Variants in LMBR1L observed in about 807,000 individuals in gnomAD.
LMBR1L encodes limb development membrane protein 1 like.
In LMBR1L, 47 loss-of-function variants were observed where a neutral mutation model predicts 67.3. The ratio of observed to expected loss-of-function variants is 0.70; its 90% CI spans 0.55 to 0.89. LMBR1L has a LOEUF of 0.89. Ranked by LOEUF, LMBR1L falls within the 40% of genes least tolerant of loss-of-function variation. The probability of loss-of-function intolerance (pLI) is 0.00; values close to 1 mark genes in which losing one functional copy is unlikely to be tolerated. For synonymous variants in LMBR1L, 247 were observed against 250.3 expected (o/e 0.99, Z 0.13); for missense variants, 533 against 599.2 (o/e 0.89, Z 1.15).
rs532896074 is a variant in LMBR1L, at chr12:49,100,211, T to C, written c.1240+177A>G. Among the ~76,000 whole-genome samples the C allele has an allele frequency of 3.4e-4, 52 of 152,378 alleles. No homozygotes were observed. In the South Asian group the frequency reaches 9.9e-3, roughly 29 times the overall value. Reference sequence around the variant, plus strand: ...ATGTAAAAAGTATGTACTTTGACCCTGAAGCTCAGTGTAGGCACTTTACAG... The same window carrying C: ...ATGTAAAAAGTATGTACTTTGACCCCGAAGCTCAGTGTAGGCACTTTACAG... On this transcript the variant is annotated intron_variant, in intron 15 of 16. Coordinates refer to ENST00000267102, the MANE Select transcript of LMBR1L (RefSeq NM_018113.4).
intron 1 of LMBR1L, 171 bp downstream of exon 1, chr12:49,110,313 C>A (rs994339005): frequency 3.0e-6 from 2 of 665,988 alleles, no homozygotes; most frequent in Non-Finnish European, 5.4e-6. Context: ...CAGCTGATCC[C>A]ATCTAGGGGA....
chr12:49,100,899 T>C, intron 13 of LMBR1L: 1 of 548,782 alleles, frequency 1.8e-6, no homozygotes, highest in Non-Finnish European at 3.2e-6. Flanking sequence ...GGCTAATTTT[T>C]TGTACTTTTT....
At position 49,103,110 on chromosome 12, in the gene LMBR1L, A is replaced by G. The variant is rs1314127970; in HGVS notation, c.612T>C (p.Leu204=). 3 of 1,613,946 alleles carry G rather than the reference A, an allele frequency of 1.9e-6. No homozygotes were observed. In the African/African-American group the frequency reaches 4.0e-5, roughly 22 times the overall value. ...ACTCACCCAGGAGCAGCAGAACCCC[A>G]AGGAAGGAGATGCATGAGTAGAGGT... is the stretch of plus-strand genomic sequence containing the variant. ...LPYLYSCISF[L]GVLLLLVCTP... is the part of the protein sequence containing the mutation. Residue 204 remains leucine (L), a synonymous_variant, in exon 7 of 17, where the codon CTT becomes CTC. Transcript: ENST00000267102.
At chr12:49,105,483 A>G (rs951417383) in intron 3 of LMBR1L, among the ~76,000 whole-genome samples, 2 of 152,108 alleles carry the variant, frequency 1.3e-5, no homozygotes, top group African/African-American at 2.4e-5. Context: ...TCATATCTCT[A>G]TCTTTTTCTG....
intron 1 of LMBR1L, chr12:49,110,278 G>C (rs1029099765): frequency 1.8e-5 from 11 of 602,514 alleles, no homozygotes; most frequent in African/African-American, 1.7e-4. Context: ...CGGAAACGAC[G>C]GCCTTTGTTT....
At chr12:49,110,311 C>G (rs1203473366) in intron 1 of LMBR1L, 173 bp downstream of exon 1, 3 of 646,218 alleles carry the variant, frequency 4.6e-6, no homozygotes, top group South Asian at 3.5e-5. Flanking sequence ...CCCAGCTGAT[C>G]CCATCTAGGG....
At chr12:49,108,510 C>T (rs141916280) in intron 1 of LMBR1L, among the ~76,000 whole-genome samples, 54 of 139,492 alleles carry the variant, frequency 3.9e-4, no homozygotes, top group African/African-American at 1.4e-3. Context: ...TGTAGTGAGC[C>T]GAGATTGTGC....
chr12:49,110,508 G>A lies in LMBR1L; in HGVS notation c.48C>T (p.Phe16=). The change falls in exon 1 of 17, where the codon TTC becomes TTT. Residue 16 remains phenylalanine, a synonymous_variant. Coordinates refer to ENST00000267102, the MANE Select transcript of LMBR1L (RefSeq NM_018113.4). ...CAATACACTCGCGGATCCTCTCGTG[G>A]AATAGCTGTTCTCGCACGGATAGCA... ...YEVLSVREQL[F]HERIRECIIS... The A allele has an allele frequency of 6.2e-7, 1 of 1,614,082 alleles. No individual in the cohort carries two copies. The highest frequency in any genetic ancestry group is 1.3e-5 in the African/African-American group (1 of 75,060).
chr12:49,101,722 A>G (rs1010591855), intron 11 of LMBR1L, 173 bp from the exon 12 acceptor site: 1 of 599,810 alleles, frequency 1.7e-6, no homozygotes, highest in Admixed American at 3.0e-5. Context: ...GCCTTTGAGG[A>G]TATTATAAGA....
Position 49,110,511 on chromosome 12 carries a change from T to C in LMBR1L, c.45A>G (p.Leu15=), listed in dbSNP as rs1446459484. Reference sequence around the variant, plus strand: ...TACACTCGCGGATCCTCTCGTGGAATAGCTGTTCTCGCACGGATAGCACTT... The same window carrying C: ...TACACTCGCGGATCCTCTCGTGGAACAGCTGTTCTCGCACGGATAGCACTT... The part of the protein sequence containing the change: ...DYEVLSVREQ[L]FHERIRECII... Residue 15 remains leucine (L), a synonymous_variant, in exon 1 of 17, where the codon CTA becomes CTG. Transcript: ENST00000267102. 5 of 1,613,970 alleles carry C rather than the reference T, an allele frequency of 3.1e-6. No homozygotes were observed. Among genetic ancestry groups the C allele is most frequent in the Non-Finnish European group, 4.2e-6 (5 of 1,179,980 alleles).
At chr12:49,105,123 G>T (rs1449091058) in intron 3 of LMBR1L, 5 of 512,978 alleles carry the variant, frequency 9.7e-6, no homozygotes, top group Non-Finnish European at 1.8e-5. Context: ...ATGGGAACCT[G>T]GTCACCTGCC....
intron 8 of LMBR1L, 49 bp downstream of exon 8, chr12:49,102,838 C>G: frequency 6.5e-7 from 1 of 1,544,768 alleles, no homozygotes; most frequent in Non-Finnish European, 8.9e-7. Context: ...GGTTCCAGCT[C>G]TGCAGGAAGC....
At position 49,106,942 on chromosome 12, in the gene LMBR1L, G is replaced by C. The variant is rs1940985638; in HGVS notation, c.157+19C>G. On this transcript the variant is annotated intron_variant, in intron 2 of 16. Transcript: ENST00000267102. ...CATGGCAACAGGGACTCTAGCAGGA[G>C]GGAGGGAAATCAAAGTACCTGTGGT... 3.8e-6 allele frequency: 6 copies of C among 1,574,118 alleles called. No individual in the cohort carries two copies. Among genetic ancestry groups the C allele is most frequent in the African/African-American group, 1.4e-5 (1 of 74,048 alleles).
At chr12:49,097,858 CCT>C in intron 16 of LMBR1L, 84 bp downstream of exon 16, 4 of 1,589,340 alleles carry the variant, frequency 2.5e-6, no homozygotes, top group Non-Finnish European at 3.4e-6. Flanking sequence ...GGAAGCACAC[CCT>C]CTCCCCTGCT....
rs1489127832 is a variant in LMBR1L, at chr12:49,101,552, G to A, written c.931-3C>T. ...GCCACAATGAGCACAGACAGGCCCTGTGTGAGGCAAGGTCAGACTCCCATT... is the reference window on the plus strand; with the variant it reads ...GCCACAATGAGCACAGACAGGCCCTATGTGAGGCAAGGTCAGACTCCCATT... On this transcript the variant is annotated splice_polypyrimidine_tract_variant and splice_region_variant and intron_variant, in intron 11 of 16. Transcript: ENST00000267102. 1.9e-6 allele frequency: 3 copies of A among 1,610,542 alleles called. No individual in the cohort carries two copies. The highest frequency in any genetic ancestry group is 4.5e-5 in the East Asian group (2 of 44,768).
intron 2 of LMBR1L, chr12:49,106,462 C>A (rs1362543080): frequency 8.3e-6 from 6 of 725,938 alleles, no homozygotes; most frequent in Non-Finnish European, 1.3e-5. Flanking sequence ...TGTGCCCCCA[C>A]CCCCAATTAC....
Position 49,100,380 on chromosome 12 carries a change from A to G in LMBR1L, c.1240+8T>C, listed in dbSNP as rs1354135485. 28 of 1,609,462 alleles carry G rather than the reference A, an allele frequency of 1.7e-5. No individual in the cohort carries two copies. The highest frequency in any genetic ancestry group is 2.3e-5 in the Non-Finnish European group (27 of 1,176,036). ...CCAATTCCTTTATCTCCTCCTTTCA[A>G]TACTTACCCAGGGTTCGAGAGAAGA... is the stretch of plus-strand genomic sequence containing the variant. On this transcript the variant is annotated splice_region_variant and intron_variant, in intron 15 of 16. Transcript: ENST00000267102.
At chr12:49,109,035 G>C (rs534305841) in intron 1 of LMBR1L, among the ~76,000 whole-genome samples, 11 of 152,272 alleles carry the variant, frequency 7.2e-5, no homozygotes, top group African/African-American at 2.6e-4. Context: ...CTGGGCTTGC[G>C]TAATAGCCAG....
chr12:49,104,957 G>C, intron 3 of LMBR1L, 72 bp from the exon 4 acceptor site: 1 of 1,516,642 alleles, frequency 6.6e-7, no homozygotes, highest in South Asian at 1.2e-5. Flanking sequence ...AGCCCCATTT[G>C]TCCTGAGGGC....
Sources: allele counts gnomAD v4.1 joint callset (sites outside exome capture counted in the v4.1 genomes callset), GRCh38; gene constraint gnomAD v4.1.1; transcripts MANE v1.5; gene names NCBI Gene and HGNC (gene_info 2026-07-23, HGNC 2026-07-21).